Variants in CTHRC1 observed in about 807,000 individuals in gnomAD.
CTHRC1 encodes collagen triple helix repeat-containing protein 1.
A neutral mutation model predicts 25.9 loss-of-function variants in CTHRC1; 21 were observed. The observed-to-expected ratio is 0.81, with a 90% CI of 0.57 to 1.17. CTHRC1 has a LOEUF of 1.17. CTHRC1 is among the 50% of genes most tolerant of loss of function. CTHRC1 has a pLI of 0.00. For synonymous variants in CTHRC1, 109 were observed against 113.1 expected, an observed-to-expected ratio of 0.96 and a Z score of 0.23; for missense variants, 281 against 304.3, an observed-to-expected ratio of 0.92 and a Z score of 0.57.
chr8:103,373,339 G>T (rs1346431637), intron 1 of CTHRC1, among the ~76,000 whole-genome samples: 6 of 152,202 alleles, frequency 3.9e-5, no homozygotes, highest in African/African-American at 1.4e-4. Context: ...CAACTTCTTT[G>T]TATAGGATCT....
intron 3 of CTHRC1, among the ~76,000 whole-genome samples, chr8:103,380,169 CGTTGATAT>C (rs1815881118): frequency 6.6e-6 from 1 of 152,150 alleles, no homozygotes; most frequent in African/African-American, 2.4e-5. Context: ...TTCAGACAGT[CGTTGATAT>C]AAGCAACTTA....
intron 3 of CTHRC1, 149 bp from the exon 4 acceptor site, chr8:103,382,309 C>A: frequency 1.4e-6 from 1 of 715,480 alleles, no homozygotes; most frequent in Non-Finnish European, 2.4e-6. Context: ...AAGAGGACTT[C>A]ATTATAAAAA....
At position 103,371,739 on chromosome 8, in the gene CTHRC1, C is replaced by T; in HGVS notation, c.83C>T (p.Ser28Leu). Reference sequence around the variant, plus strand: ...CTGCTGCTGCAGCTGCCCGCGCCGTCGAGCGCCTCTGAGATCCCCAAGGGG... The same window carrying T: ...CTGCTGCTGCAGCTGCCCGCGCCGTTGAGCGCCTCTGAGATCCCCAAGGGG... ...LLLLLQLPAP[S>L]SASEIPKGKQ... is the part of the protein sequence containing the mutation. The change falls in exon 1 of 4, where the codon TCG becomes TTG. Residue 28 changes from serine (S) to leucine (L), a missense_variant. Transcript: ENST00000330295. 1 of 1,535,660 alleles carries T rather than the reference C, an allele frequency of 6.5e-7. No homozygotes were observed.
chr8:103,372,626 C>T, intron 1 of CTHRC1: 1 of 1,598,176 alleles, frequency 6.3e-7, no homozygotes, highest in Non-Finnish European at 8.5e-7. Flanking sequence ...AAATGAACGG[C>T]CCGAGTGCTT....
intron 1 of CTHRC1, among the ~76,000 whole-genome samples, chr8:103,372,949 C>T (rs1815736587): frequency 6.6e-6 from 1 of 152,116 alleles, no homozygotes; most frequent in South Asian, 2.1e-4. Context: ...TTCAAAAGTG[C>T]TGGGAAAAAA....
rs758556833 is a variant in CTHRC1 at position 103,378,185 on chromosome 8, T to C, written c.531T>C (p.Tyr177=). Residue 177 remains tyrosine, a synonymous_variant, in exon 3 of 4, where the codon TAT becomes TAC. Transcript: ENST00000330295. The part of the protein sequence containing the change: ...SGPLPIEAII[Y]LDQGSPEMNS... ...CTCTTCCCATTGAAGCTATAATTTA[T>C]TTGGACCAAGGAAGCCCTGAAATGA... The C allele has an allele frequency of 4.1e-5, 66 of 1,614,060 alleles. No individual in the cohort carries two copies. The highest frequency in any genetic ancestry group is 5.4e-5 in the Non-Finnish European group (64 of 1,180,038).
chr8:103,377,909 A>G lies in CTHRC1; in HGVS notation c.373-118A>G, dbSNP rs1012218154. 7.9e-4 allele frequency: 751 copies of G among 946,612 alleles called. 7 individuals are homozygous for G. The highest frequency in any genetic ancestry group is 2.1e-4 in the Admixed American group (11 of 53,160). 58.6% of individuals were successfully genotyped at this position (946,612 alleles called of 1,614,324 possible). On this transcript the variant is annotated intron_variant, in intron 2 of 3. Transcript: ENST00000330295. The stretch of plus-strand genomic sequence containing the variant: ...ATGAGCCACCACACCCGGCCAAGTT[A>G]AACTTTTTAAATACATTTTGGGGAA...
intron 1 of CTHRC1, among the ~76,000 whole-genome samples, chr8:103,372,254 G>A (rs1174937248): frequency 2.0e-5 from 3 of 152,204 alleles, no homozygotes; most frequent in Non-Finnish European, 4.4e-5. Flanking sequence ...GCGGTGCAAC[G>A]TGTCCTTTGT....
Position 103,375,762 on chromosome 8 carries a change from C to A in CTHRC1, c.175C>A (p.Pro59Thr). 4.3e-6 allele frequency: 7 copies of A among 1,614,002 alleles called. No individual in the cohort carries two copies. Among genetic ancestry groups the A allele is most frequent in the Non-Finnish European group, 5.1e-6 (6 of 1,179,966 alleles). The change falls in exon 2 of 4, where the codon CCA becomes ACA. Residue 59 changes from proline to threonine, a missense_variant. Transcript: ENST00000330295. ...GTATAATGGAATGTGCTTACAAGGG[C>A]CAGCAGGAGTGCCTGGTCGAGACGG... Reference protein sequence around the residue: ...DLYNGMCLQGPAGVPGRDGSP... With the variant: ...DLYNGMCLQGTAGVPGRDGSP...
At position 103,376,139 on chromosome 8, in the gene CTHRC1, GAT is replaced by G. The variant is rs993574373; in HGVS notation, c.372+183_372+184del. 7 of 632,892 alleles carry G rather than the reference GAT, an allele frequency of 1.1e-5. No individual in the cohort carries two copies. In the African/African-American group the frequency reaches 1.3e-4, roughly 12 times the overall value. The allele number at this position is 632,892 out of a possible 1,614,324, so 39.2% of individuals were successfully genotyped here. A position where few individuals can be genotyped will look rare whatever the true frequency, so the allele number is the denominator to read the frequency against. On this transcript the variant is annotated intron_variant, in intron 2 of 3. Coordinates refer to ENST00000330295, the MANE Select transcript of CTHRC1 (RefSeq NM_138455.4). ...TTATAACATTTCAGAATTTCATAGA[GAT>G]ATTTCTAAGACAAATGCTTATCATT...
Position 103,382,875 on chromosome 8 carries a change from G to T in CTHRC1, c.*275G>T, listed in dbSNP as rs1430313779. On this transcript the variant is annotated 3_prime_UTR_variant, in exon 4 of 4. Transcript: ENST00000330295. ...ATTTGGAATATTGTTGTGGTCTTTT[G>T]TTTTTTCTCTTAGTATAGCATTTTT... 1 of 336,792 alleles carries T rather than the reference G, an allele frequency of 3.0e-6. No individual in the cohort carries two copies. The highest frequency in any genetic ancestry group is 5.6e-6 in the Non-Finnish European group (1 of 179,708). 20.9% of individuals were successfully genotyped at this position (336,792 alleles called of 1,614,324 possible).
In CTHRC1 at chr8:103,375,606, A is replaced by T; in HGVS notation, c.151-132A>T. The T allele has an allele frequency of 5.1e-6, 4 of 779,610 alleles. No individual in the cohort carries two copies. In the Admixed American group the frequency reaches 7.6e-5, roughly 15 times the overall value. 48.3% of individuals were successfully genotyped at this position (779,610 alleles called of 1,614,324 possible). On this transcript the variant is annotated intron_variant, in intron 1 of 3. Coordinates refer to ENST00000330295, the MANE Select transcript of CTHRC1 (RefSeq NM_138455.4). ...GAAAATGAATTCTCTGTAATAACTC[A>T]TCTAGAACACGGGCATGTGGTATGA...
Position 103,375,958 on chromosome 8 carries a change from CG to C in CTHRC1, c.372+1del. ...TATGGCATAGATCTTGGGAAAATTGCGGTAAGTTTGAATTATTTTAAAATTG... is the reference window on the plus strand; with the variant it reads ...TATGGCATAGATCTTGGGAAAATTGCGTAAGTTTGAATTATTTTAAAATTG... ...LNYGIDLGKI[A>X]ECTFTKMRSN... On this transcript the variant is annotated frameshift_variant and splice_region_variant, in exon 2 of 4. Transcript: ENST00000330295. LOFTEE classifies it high-confidence loss of function. 1 of 1,608,256 alleles carries C rather than the reference CG, an allele frequency of 6.2e-7. No homozygotes were observed. Among genetic ancestry groups the C allele is most frequent in the South Asian group, 1.1e-5 (1 of 90,760 alleles).
chr8:103,375,785 C>G lies in CTHRC1; in HGVS notation c.198C>G (p.Asp66Glu). Residue 66 changes from aspartate to glutamate, a missense_variant, in exon 2 of 4, where the codon GAC (aspartate) becomes GAG (glutamate). By Grantham distance (45) the Asp-to-Glu change is conservative. Transcript: ENST00000330295. ...GGCCAGCAGGAGTGCCTGGTCGAGACGGGAGCCCTGGGGCCAATGGCATTC... is the reference window on the plus strand; with the variant it reads ...GGCCAGCAGGAGTGCCTGGTCGAGAGGGGAGCCCTGGGGCCAATGGCATTC... Reference protein sequence around the residue: ...LQGPAGVPGRDGSPGANGIPG... With the variant: ...LQGPAGVPGREGSPGANGIPG... The G allele has an allele frequency of 6.2e-7, 1 of 1,614,028 alleles. No homozygotes were observed. The highest frequency in any genetic ancestry group is 8.5e-7 in the Non-Finnish European group (1 of 1,180,022).
chr8:103,372,469 C>A, intron 1 of CTHRC1: 1 of 1,574,648 alleles, frequency 6.4e-7, no homozygotes, highest in Non-Finnish European at 8.6e-7. Context: ...TGAAGGGGCC[C>A]GGCGCTAACC....
At position 103,375,960 on chromosome 8, in the gene CTHRC1, G is replaced by GT. The variant is rs756380687; in HGVS notation, c.372+2dup. On this transcript the variant is annotated splice_donor_variant, in intron 2 of 3. Coordinates refer to ENST00000330295, the MANE Select transcript of CTHRC1 (RefSeq NM_138455.4). LOFTEE classifies it high-confidence loss of function. Reference sequence around the variant, plus strand: ...TGGCATAGATCTTGGGAAAATTGCGGTAAGTTTGAATTATTTTAAAATTGA... The same window carrying GT: ...TGGCATAGATCTTGGGAAAATTGCGGTTAAGTTTGAATTATTTTAAAATTGA... 4.4e-6 allele frequency: 7 copies of GT among 1,607,452 alleles called. No individual in the cohort carries two copies. The highest frequency in any genetic ancestry group is 6.0e-6 in the Non-Finnish European group (7 of 1,174,692).
chr8:103,375,181 G>A (rs546840748), intron 1 of CTHRC1, among the ~76,000 whole-genome samples: 105 of 152,190 alleles, frequency 6.9e-4, no homozygotes, highest in Non-Finnish European at 1.2e-3. Context: ...GCTATTGCCA[G>A]TACAAGATAA....
At position 103,371,593 on chromosome 8, in the gene CTHRC1, T is replaced by C; in HGVS notation, c.-64T>C. 6.6e-7 allele frequency: 1 copy of C among 1,509,080 alleles called. No individual in the cohort carries two copies. Among genetic ancestry groups the C allele is most frequent in the East Asian group, 2.7e-5 (1 of 37,214 alleles). 93.5% of individuals were successfully genotyped at this position (1,509,080 alleles called of 1,614,324 possible). ...CTCGGAGCGCGGCGGAGCCAGACGC[T>C]GACCACGTTCCTCTCCTCGGTCTCC... On this transcript the variant is annotated 5_prime_UTR_variant, in exon 1 of 4. An upstream open reading frame in the 5' UTR loses its in-frame stop. Coordinates refer to ENST00000330295, the MANE Select transcript of CTHRC1 (RefSeq NM_138455.4).
chr8:103,378,012 C>T lies in CTHRC1; in HGVS notation c.373-15C>T, dbSNP rs1554626581. 6.9e-6 allele frequency: 11 copies of T among 1,588,520 alleles called. No homozygotes were observed. Among genetic ancestry groups the T allele is most frequent in the Admixed American group, 3.3e-5 (2 of 59,964 alleles). On this transcript the variant is annotated splice_polypyrimidine_tract_variant and intron_variant, in intron 2 of 3. Transcript: ENST00000330295. Reference sequence around the variant, plus strand: ...AGAAAATGTTAATTAAATCCCATTTCTATGTTTGTGACAGGAGTGTACATT... The same window carrying T: ...AGAAAATGTTAATTAAATCCCATTTTTATGTTTGTGACAGGAGTGTACATT...
Sources: gnomAD v4.1 joint callset for allele counts (sites outside exome capture counted in the v4.1 genomes callset) on GRCh38, gnomAD v4.1.1 for gene constraint, MANE v1.5 for transcripts, NCBI Gene and HGNC (gene_info 2026-07-23, HGNC 2026-07-21) for gene names.